PCYT1B: variants seen among roughly 807,000 people sequenced by gnomAD.
The protein encoded by PCYT1B is choline-phosphate cytidylyltransferase B.
In PCYT1B, 10 loss-of-function variants were observed where a neutral mutation model predicts 26.4. The observed-to-expected ratio is 0.38, with a 90% CI of 0.23 to 0.64. The LOEUF (loss-of-function observed/expected upper bound fraction) is 0.64, where lower values mean the gene tolerates loss of function less well. Ranked by LOEUF, PCYT1B falls within the 30% of genes least tolerant of loss-of-function variation. The pLI, the probability that PCYT1B is intolerant of heterozygous loss-of-function variation, is 0.56. For synonymous variants in PCYT1B, 131 were observed against 108.4 expected (o/e 1.21, Z -1.29); for missense variants, 161 against 292.7 (o/e 0.55, Z 3.28).
chrX:24,651,472 A>ATATATAT (rs1236511633), upstream of PCYT1B, among the ~76,000 whole-genome samples: 1 of 26,051 alleles, frequency 3.8e-5, no homozygotes, highest in Non-Finnish European at 6.0e-5. Flanking sequence ...AAAAAAAAAA[A>ATATATAT]ATATATATAT....
At chrX:24,644,519 G>A (rs1602204886) in intron 1 of PCYT1B, among the ~76,000 whole-genome samples, 1 of 109,346 alleles carries the variant, frequency 9.1e-6, no homozygotes, top group Middle Eastern at 4.7e-3. Context: ...AGATGGGAAG[G>A]GAATGTATCT....
intron 1 of PCYT1B, among the ~76,000 whole-genome samples, chrX:24,670,113 A>AAAGAAAGGAAGGAAGGAAGGAAGG (rs1602218930): frequency 6.4e-4 from 15 of 23,536 alleles, no homozygotes; most frequent in East Asian, 1.5e-3. Context: ...AGAAAGAAAG[A>AAAGAAAGGAAGGAAGGAAGGAAGG]AAGGAAGGAA....
At chrX:24,641,081 A>G (rs1926452273) in intron 1 of PCYT1B, among the ~76,000 whole-genome samples, 1 of 111,185 alleles carries the variant, frequency 9.0e-6, no homozygotes, top group Non-Finnish European at 1.9e-5. Flanking sequence ...TTACAGGAGC[A>G]CACTACCATA....
At chrX:24,632,684 C>G (rs760309250) in intron 1 of PCYT1B, 5 of 112,927 alleles carry the variant, frequency 4.4e-5, no homozygotes, top group Admixed American at 1.9e-4. Flanking sequence ...CATGTTCTCA[C>G]TCATAAGTGG....
chrX:24,610,881 T>C (rs1301298948), intron 2 of PCYT1B, among the ~76,000 whole-genome samples: 1 of 111,346 alleles, frequency 9.0e-6, no homozygotes, highest in Non-Finnish European at 1.9e-5. Context: ...GAAAGGGGGA[T>C]CTGCAGATTG....
At chrX:24,663,919 AAAAACAAAACAAAAC>A (rs372746345) in intron 1 of PCYT1B, among the ~76,000 whole-genome samples, 1 of 110,831 alleles carries the variant, frequency 9.0e-6, no homozygotes, top group Non-Finnish European at 1.9e-5. Flanking sequence ...ATTCCGTCTC[AAAAACAAAACAAAAC>A]AAAACAAAAC....
At chrX:24,672,861 C>G (rs1309182719), upstream of PCYT1B, among the ~76,000 whole-genome samples, 1 of 111,898 alleles carries the variant, frequency 8.9e-6, no homozygotes, top group Admixed American at 9.5e-5. Flanking sequence ...CCTCTTGTCC[C>G]CTCTGGGCTG....
chrX:24,569,259 G>A (rs1435620814), intron 7 of PCYT1B, among the ~76,000 whole-genome samples: 2 of 109,202 alleles, frequency 1.8e-5, no homozygotes. Context: ...AAATTAGGAC[G>A]ATTATTTAAA....
At chrX:24,672,502 G>C in intron 1 of PCYT1B, 1 of 790,111 alleles carries the variant, frequency 1.3e-6, no homozygotes, top group Non-Finnish European at 1.9e-6. Context: ...AGATACATAG[G>C]ACTTTACTTT....
intron 1 of PCYT1B, among the ~76,000 whole-genome samples, chrX:24,665,254 A>T: frequency 9.2e-6 from 1 of 108,277 alleles, no homozygotes; most frequent in Non-Finnish European, 1.9e-5. Context: ...TGCATTTATC[A>T]CTTTTAAGTG....
chrX:24,672,520 G>A, intron 1 of PCYT1B: 1 of 996,325 alleles, frequency 1.0e-6, no homozygotes, highest in Non-Finnish European at 1.4e-6. Context: ...TTTTTGAACT[G>A]ACTTTGATAT....
Position 24,670,105 on chromosome X carries a change from A to AAGGAAGG in PCYT1B, c.63+2464_63+2465insCCTTCCT, listed in dbSNP as rs1569261891. ...GAAAGAAAGAAAGAAAGAAAGAAAG[A>AAGGAAGG]AAGAAAGAAAGGAAGGAAGGAAGGA... On this transcript the variant is annotated intron_variant, in intron 1 of 7. Coordinates refer to the PCYT1B transcript ENST00000379145. Among the ~76,000 whole-genome samples the AAGGAAGG allele has an allele frequency of 4.9e-3, 119 of 24,187 alleles. 1 individual carries two copies. Among genetic ancestry groups the AAGGAAGG allele is most frequent in the Admixed American group, 0.012 (16 of 1,340 alleles). 21.0% of individuals were successfully genotyped at this position (24,187 alleles called of 115,157 possible).
At chrX:24,603,447 G>A (rs1275402544) in intron 3 of PCYT1B, among the ~76,000 whole-genome samples, 1 of 112,262 alleles carries the variant, frequency 8.9e-6, no homozygotes, top group African/African-American at 3.2e-5. Flanking sequence ...GGTTGAGTGT[G>A]CTAGCTCATG....
chrX:24,600,858 C>T, intron 3 of PCYT1B, among the ~76,000 whole-genome samples: 1 of 108,703 alleles, frequency 9.2e-6, no homozygotes. Flanking sequence ...TACAGAGAGC[C>T]AGTCTTTGAC....
intron 2 of PCYT1B, among the ~76,000 whole-genome samples, 195 bp downstream of exon 2, chrX:24,618,790 T>C (rs976922345): frequency 9.1e-6 from 1 of 109,746 alleles, no homozygotes; most frequent in Admixed American, 9.9e-5. Context: ...ACCTGGCTAA[T>C]TTTGTATTTT....
intron 1 of PCYT1B, among the ~76,000 whole-genome samples, chrX:24,628,945 A>G (rs763111722): frequency 8.9e-6 from 1 of 111,996 alleles, no homozygotes; most frequent in South Asian, 3.7e-4. Flanking sequence ...TTCAACATGT[A>G]TTGGTAAATT....
At chrX:24,562,775 TG>T (rs763490087) in intron 7 of PCYT1B, among the ~76,000 whole-genome samples, 42 of 106,982 alleles carry the variant, frequency 3.9e-4, no homozygotes, top group Non-Finnish European at 7.5e-4. Context: ...TCACCCAAGC[TG>T]GAGTGCAGTG....
chrX:24,665,864 C>A (rs1444490435), intron 1 of PCYT1B, among the ~76,000 whole-genome samples: 1 of 110,461 alleles, frequency 9.1e-6, no homozygotes. Flanking sequence ...TATCTCTCTT[C>A]GAGGCTGCCC....
chrX:24,579,478 C>A lies in PCYT1B; in HGVS notation c.566-20G>T. On this transcript the variant is annotated intron_variant, in intron 5 of 7. Coordinates refer to ENST00000379144, the MANE Select transcript of PCYT1B (RefSeq NM_004845.5). The stretch of plus-strand genomic sequence containing the variant: ...ACATCCCTGTTCAAGTAGAAAAGAG[C>A]GGATAGAGGAAAAATTAAGATCACC... 11 of 1,196,729 alleles carry A rather than the reference C, an allele frequency of 9.2e-6. No individual in the cohort carries two copies. The highest frequency in any genetic ancestry group is 1.2e-5 in the Non-Finnish European group (11 of 883,614).
Sources: gnomAD v4.1 joint callset for allele counts (sites outside exome capture counted in the v4.1 genomes callset) on GRCh38, gnomAD v4.1.1 for gene constraint, MANE v1.5 for transcripts, NCBI Gene and HGNC (gene_info 2026-07-23, HGNC 2026-07-21) for gene names.